DPP10: variants seen among roughly 807,000 people sequenced by gnomAD.
DPP10 encodes inactive dipeptidyl peptidase 10.
DPP10 carries 33 observed loss-of-function variants against 120.9 expected under a neutral mutation model. The observed-to-expected ratio is 0.27, with a 90% CI of 0.21 to 0.37. The LOEUF (loss-of-function observed/expected upper bound fraction) is 0.37. DPP10 is among the 10% of genes least tolerant of loss of function. DPP10 has a pLI of 1.00. For synonymous variants in DPP10, 337 were observed against 326.1 expected, an observed-to-expected ratio of 1.03 and a Z score of -0.36; for missense variants, 816 against 942.8, an observed-to-expected ratio of 0.87 and a Z score of 1.76.
chr2:114,952,400 A>G (rs1697862127), intron 1 of DPP10, among the ~76,000 whole-genome samples: 2 of 152,194 alleles, frequency 1.3e-5, no homozygotes, highest in Admixed American at 1.3e-4. Context: ...CTGATAAAAC[A>G]TTAACATGTT....
At chr2:115,761,667 A>G (rs1455706953) in intron 11 of DPP10, among the ~76,000 whole-genome samples, 1 of 152,040 alleles carries the variant, frequency 6.6e-6, no homozygotes, top group Non-Finnish European at 1.5e-5. Flanking sequence ...ATTTTTTTTG[A>G]TATCTTCACG....
chr2:115,503,358 G>A (rs889485208), intron 4 of DPP10, among the ~76,000 whole-genome samples: 4 of 152,068 alleles, frequency 2.6e-5, no homozygotes, highest in African/African-American at 9.7e-5. Flanking sequence ...GTGCTGTTGG[G>A]TATATGGAGG....
At chr2:114,762,043 C>G (rs1383895846) in intron 1 of DPP10, among the ~76,000 whole-genome samples, 2 of 152,128 alleles carry the variant, frequency 1.3e-5, no homozygotes, top group Non-Finnish European at 2.9e-5. Context: ...TTCACTCTCC[C>G]CCGTCTAAGC....
intron 1 of DPP10, among the ~76,000 whole-genome samples, chr2:114,976,707 A>C (rs1376014125): frequency 2.6e-5 from 4 of 152,218 alleles, no homozygotes; most frequent in Admixed American, 1.3e-4. Context: ...TTGAAGTTCA[A>C]TAAAAGATGA....
chr2:115,471,349 T>C (rs2074705601), intron 3 of DPP10, among the ~76,000 whole-genome samples: 1 of 152,132 alleles, frequency 6.6e-6, no homozygotes. Flanking sequence ...TGCCATTTCA[T>C]TTCTTCTCTT....
chr2:115,102,046 T>C (rs767869729), intron 1 of DPP10, among the ~76,000 whole-genome samples: 5 of 152,244 alleles, frequency 3.3e-5, no homozygotes, highest in East Asian at 1.9e-4. Context: ...AGGGCTGCTA[T>C]AACAAAATAT....
chr2:114,897,064 C>A (rs34301313), intron 1 of DPP10, among the ~76,000 whole-genome samples: 2 of 151,906 alleles, frequency 1.3e-5, no homozygotes, highest in Admixed American at 6.6e-5. Context: ...ATTGAACCAG[C>A]CTTGCATCCC....
chr2:114,930,660 G>T (rs1209467307), intron 1 of DPP10, among the ~76,000 whole-genome samples: 1 of 152,122 alleles, frequency 6.6e-6, no homozygotes, highest in Non-Finnish European at 1.5e-5. Context: ...CTGAGGCTGG[G>T]TAATAAATTT....
intron 3 of DPP10, among the ~76,000 whole-genome samples, chr2:115,366,120 A>G (rs959849571): frequency 4.6e-5 from 7 of 152,032 alleles, no homozygotes; most frequent in African/African-American, 7.2e-5. Context: ...TTGAAATGAT[A>G]TAATAATATA....
At chr2:115,071,679 TA>T (rs145997087) in intron 1 of DPP10, among the ~76,000 whole-genome samples, 398 of 146,392 alleles carry the variant, frequency 2.7e-3, no homozygotes, top group African/African-American at 7.0e-3. Flanking sequence ...TATATTTATT[TA>T]AAAAAAAAAA....
chr2:115,836,119 GATATATATATATAT>G (rs34212292), intron 21 of DPP10, 24 bp from the exon 22 acceptor site: 58 of 731,362 alleles, frequency 7.9e-5, no homozygotes, highest in Non-Finnish European at 1.0e-4. Context: ...GTGTGTGTGA[GATATATATATATAT>G]ATATATATAT....
intron 1 of DPP10, among the ~76,000 whole-genome samples, chr2:114,970,602 A>G (rs77543618): frequency 0.014 from 2,134 of 152,320 alleles, 54 homozygotes; most frequent in African/African-American, 0.049. Context: ...ACCTACAACC[A>G]TGCCAGCTAA....
intron 1 of DPP10, among the ~76,000 whole-genome samples, chr2:115,169,447 A>G (rs1350471716): frequency 7.5e-6 from 1 of 132,996 alleles, no homozygotes; most frequent in East Asian, 1.9e-4. Flanking sequence ...ATACACACAC[A>G]TATATATATA....
chr2:115,192,858 T>C (rs1383723243), intron 1 of DPP10, among the ~76,000 whole-genome samples: 1 of 151,460 alleles, frequency 6.6e-6, no homozygotes, highest in Non-Finnish European at 1.5e-5. Flanking sequence ...GCTTTGATTT[T>C]AATAAAAAAT....
At chr2:115,516,767 A>G (rs1043911002) in intron 4 of DPP10, among the ~76,000 whole-genome samples, 2 of 152,112 alleles carry the variant, frequency 1.3e-5, no homozygotes, top group Non-Finnish European at 2.9e-5. Context: ...GTTAACTTAG[A>G]GAATGTTAAT....
chr2:115,768,945 GT>G (rs923130997), intron 13 of DPP10, among the ~76,000 whole-genome samples: 52 of 147,144 alleles, frequency 3.5e-4, no homozygotes, highest in Middle Eastern at 3.5e-3. Context: ...TATAATCTAT[GT>G]TTTTTTTTTA....
chr2:114,979,745 T>A (rs1040300830), intron 1 of DPP10, among the ~76,000 whole-genome samples: 3 of 152,088 alleles, frequency 2.0e-5, no homozygotes, highest in African/African-American at 7.2e-5. Context: ...GCAATAAAAA[T>A]TAATTTACTA....
intron 1 of DPP10, among the ~76,000 whole-genome samples, chr2:114,682,005 A>G (rs1419216836): frequency 6.6e-6 from 1 of 151,946 alleles, no homozygotes; most frequent in East Asian, 1.9e-4. Context: ...CTCAGAAGAG[A>G]TGAGTTAAAG....
intron 5 of DPP10, among the ~76,000 whole-genome samples, chr2:115,657,494 T>C (rs1260510483): frequency 1.3e-5 from 2 of 151,876 alleles, no homozygotes; most frequent in Non-Finnish European, 3.0e-5. Context: ...TTTCTTTTAT[T>C]GATCTCTTCC....
Sources: allele counts gnomAD v4.1 joint callset (sites outside exome capture counted in the v4.1 genomes callset), GRCh38; gene constraint gnomAD v4.1.1; transcripts MANE v1.5; gene names NCBI Gene and HGNC (gene_info 2026-07-23, HGNC 2026-07-21).